The following LPIN2 variants were observed in gnomAD, a reference collection of about 807,000 sequenced individuals.
The protein encoded by LPIN2 is lipin 2.
Under a neutral mutation model 111.4 loss-of-function variants are expected in LPIN2, and 55 were observed. That is an observed-to-expected ratio of 0.49 (90% confidence interval 0.40 to 0.62). The LOEUF (loss-of-function observed/expected upper bound fraction) is 0.62, where lower values mean the gene tolerates loss of function less well. LPIN2 is among the 20% of genes least tolerant of loss of function. LPIN2 has a pLI of 0.00. For synonymous variants in LPIN2, 425 were observed against 414.0 expected (o/e 1.03, Z -0.32); for missense variants, 992 against 1,112.1 (o/e 0.89, Z 1.54).
chr18:2,954,445 G>A (rs1452795344), intron 3 of LPIN2, 59 bp downstream of exon 3: 1 of 1,220,080 alleles, frequency 8.2e-7, no homozygotes, highest in African/African-American at 1.5e-5. Context: ...GTCCGTCTGG[G>A]CCACGTACCA....
intron 4 of LPIN2, among the ~76,000 whole-genome samples, chr18:2,944,524 G>A (rs184335545): frequency 1.3e-5 from 2 of 151,482 alleles, no homozygotes; most frequent in East Asian, 3.9e-4. Context: ...GCTAATTTTT[G>A]TATTTCTAGT....
intron 2 of LPIN2, among the ~76,000 whole-genome samples, chr18:2,959,759 C>T (rs542133332): frequency 2.4e-4 from 37 of 152,244 alleles, no homozygotes; most frequent in Non-Finnish European, 4.1e-4. Context: ...GTTAGCATTT[C>T]AGTCAAATAT....
At position 2,920,362 on chromosome 18, in the gene LPIN2, G is replaced by A. The variant is rs138815075; in HGVS notation, c.2622C>T (p.Cys874=). The change falls in exon 20 of 20, where the codon TGC becomes TGT. Residue 874 remains cysteine, a synonymous_variant. Transcript: ENST00000677752. Reference sequence around the variant, plus strand: ...AGTAGCAGAAGGAGCTGAACTCCGGGCAGGGAAAAGCGGAATTCTGCTCCT... The same window carrying A: ...AGTAGCAGAAGGAGCTGAACTCCGGACAGGGAAAAGCGGAATTCTGCTCCT... The part of the protein sequence containing the change: ...LSKEQNSAFP[C]PEFSSFCYWR... 5.6e-6 allele frequency: 9 copies of A among 1,614,136 alleles called. No individual in the cohort carries two copies. The East Asian group carries it at 6.7e-5, about 12-fold the overall frequency.
chr18:2,990,056 C>A lies in LPIN2; in HGVS notation c.-10+23031G>T, dbSNP rs185040785. Among the ~76,000 whole-genome samples, 3 of 152,140 alleles carry A rather than the reference C, an allele frequency of 2.0e-5. No homozygotes were observed. The East Asian group carries it at 5.8e-4, about 29-fold the overall frequency. On this transcript the variant is annotated intron_variant, in intron 1 of 19. Transcript: ENST00000677752. Reference sequence around the variant, plus strand: ...GGCCAATTGATATTTGACAAGAGTACCAAATCCACTGCATGGCGGAAGGAA... The same window carrying A: ...GGCCAATTGATATTTGACAAGAGTAACAAATCCACTGCATGGCGGAAGGAA...
Position 2,970,982 on chromosome 18 carries a change from G to A in LPIN2, c.-9-10133C>T, listed in dbSNP as rs543961901. Among the ~76,000 whole-genome samples the A allele has an allele frequency of 8.5e-5, 13 of 152,316 alleles. No individual in the cohort carries two copies. The South Asian group carries it at 2.1e-3, about 24-fold the overall frequency. On this transcript the variant is annotated intron_variant, in intron 1 of 19. Transcript: ENST00000677752. ...ACTGAGTAGGGCTCAGAAAAGGGAA[G>A]ACGCTTTCCCAGTATAGCAATGCAC...
chr18:2,995,053 T>C (rs1002987312), intron 1 of LPIN2, among the ~76,000 whole-genome samples: 2 of 152,138 alleles, frequency 1.3e-5, no homozygotes, highest in Non-Finnish European at 2.9e-5. Flanking sequence ...GCCCCCTTCA[T>C]ATAGCAGGGT....
Position 2,991,444 on chromosome 18 carries a change from G to C in LPIN2, c.-10+21643C>G, listed in dbSNP as rs368496603. ...TCAAAAGCTAAATATGGAATTACCAGGCTCGGCACAGTGGCTCACACTGGG... is the reference window on the plus strand; with the variant it reads ...TCAAAAGCTAAATATGGAATTACCACGCTCGGCACAGTGGCTCACACTGGG... On this transcript the variant is annotated intron_variant, in intron 1 of 19. Transcript: ENST00000677752. Among the ~76,000 whole-genome samples, 15 of 152,280 alleles carry C rather than the reference G, an allele frequency of 9.9e-5. No individual in the cohort carries two copies. The East Asian group carries it at 2.1e-3, about 22-fold the overall frequency.
At chr18:2,976,894 T>TC (rs757605393) in intron 1 of LPIN2, among the ~76,000 whole-genome samples, 1 of 152,178 alleles carries the variant, frequency 6.6e-6, no homozygotes, top group Non-Finnish European at 1.5e-5. Flanking sequence ...AAGTCATCGT[T>TC]CCCCAAGACT....
At chr18:2,957,678 A>G (rs554019450) in intron 2 of LPIN2, among the ~76,000 whole-genome samples, 1 of 152,252 alleles carries the variant, frequency 6.6e-6, no homozygotes, top group Admixed American at 6.5e-5. Context: ...ACAGATTGTG[A>G]GCCTGGAGGT....
At chr18:2,932,656 C>A (rs577224453) in intron 8 of LPIN2, among the ~76,000 whole-genome samples, 2 of 152,202 alleles carry the variant, frequency 1.3e-5, no homozygotes, top group Non-Finnish European at 2.9e-5. Flanking sequence ...ACGGCGAGGC[C>A]CCCTTGCAGT....
chr18:2,920,210 A>C lies in LPIN2; in HGVS notation c.*83T>G. On this transcript the variant is annotated 3_prime_UTR_variant, in exon 20 of 20. Coordinates refer to ENST00000677752, the MANE Select transcript of LPIN2 (RefSeq NM_001375808.2). ...CCCGTCCCCGCTGGGGAAGGCTGGT[A>C]TCTGAGGTCAGCAGAAGAGCCAGCT... 6.4e-7 allele frequency: 1 copy of C among 1,570,252 alleles called. No individual in the cohort carries two copies. The highest frequency in any genetic ancestry group is 8.7e-7 in the Non-Finnish European group (1 of 1,142,950).
chr18:2,950,856 A>G (rs1330077161), intron 4 of LPIN2, among the ~76,000 whole-genome samples, 199 bp downstream of exon 4: 2 of 152,234 alleles, frequency 1.3e-5, no homozygotes, highest in Non-Finnish European at 2.9e-5. Context: ...TCTGCTACAA[A>G]TGACATTTCA....
chr18:2,932,874 T>A (rs1195129960), intron 8 of LPIN2, among the ~76,000 whole-genome samples: 1 of 152,190 alleles, frequency 6.6e-6, no homozygotes, highest in East Asian at 1.9e-4. Context: ...GGCCTCCCCC[T>A]AAACACCAAC....
chr18:2,951,017 G>C, intron 4 of LPIN2, 38 bp downstream of exon 4: 1 of 1,611,840 alleles, frequency 6.2e-7, no homozygotes, highest in Non-Finnish European at 8.5e-7. Context: ...TGAACTCTAG[G>C]TACCCGCACA....
At chr18:2,997,210 G>C (rs768097309) in intron 1 of LPIN2, among the ~76,000 whole-genome samples, 3 of 152,146 alleles carry the variant, frequency 2.0e-5, no homozygotes, top group Non-Finnish European at 4.4e-5. Flanking sequence ...TCAAACTCCT[G>C]ACCTCAGGTG....
At chr18:2,964,517 G>A (rs560190645) in intron 1 of LPIN2, among the ~76,000 whole-genome samples, 29 of 152,218 alleles carry the variant, frequency 1.9e-4, no homozygotes, top group African/African-American at 6.5e-4. Context: ...CCCAGACCAC[G>A]CTCTCTTTCC....
Position 2,920,891 on chromosome 18 carries a change from A to C in LPIN2, c.2443-10T>G. On this transcript the variant is annotated splice_polypyrimidine_tract_variant and intron_variant, in intron 18 of 19. Coordinates refer to ENST00000677752, the MANE Select transcript of LPIN2 (RefSeq NM_001375808.2). ...TGTAGGCATAGACATCCTGCAGAAG[A>C]AAATAGCAAGCGGGTGATTCCAGGG... 6.3e-7 allele frequency: 1 copy of C among 1,585,502 alleles called. No homozygotes were observed. Among genetic ancestry groups the C allele is most frequent in the Non-Finnish European group, 8.7e-7 (1 of 1,153,978 alleles).
chr18:2,978,629 A>G (rs758322937), intron 1 of LPIN2, among the ~76,000 whole-genome samples: 26 of 152,272 alleles, frequency 1.7e-4, no homozygotes, highest in Non-Finnish European at 3.4e-4. Flanking sequence ...AAAGGACATT[A>G]GTAAGAAGAA....
intron 1 of LPIN2, among the ~76,000 whole-genome samples, chr18:3,009,706 G>A (rs188305411): frequency 2.0e-5 from 3 of 152,110 alleles, no homozygotes; most frequent in Non-Finnish European, 4.4e-5. Context: ...CTCCCAAAGT[G>A]CTGGGATTAC....
Sources: gnomAD v4.1 joint callset for allele counts (sites outside exome capture counted in the v4.1 genomes callset) on GRCh38, gnomAD v4.1.1 for gene constraint, MANE v1.5 for transcripts, NCBI Gene and HGNC (gene_info 2026-07-23, HGNC 2026-07-21) for gene names.